Variants in LIMA1 observed in about 807,000 individuals in gnomAD.
LIMA1 encodes the protein LIM domain and actin binding 1.
A neutral mutation model predicts 62.6 loss-of-function variants in LIMA1; 52 were observed. The ratio of observed to expected loss-of-function variants is 0.83; its 90% CI spans 0.67 to 1.05. LIMA1 has a LOEUF of 1.05. Ranked by LOEUF, LIMA1 falls within the 50% of genes least tolerant of loss-of-function variation. The pLI is 0.00. For synonymous variants in LIMA1, 302 were observed against 317.8 expected (o/e 0.95, Z 0.53); for missense variants, 780 against 902.2 (o/e 0.86, Z 1.74).
Position 50,195,928 on chromosome 12 carries a change from A to C in LIMA1, c.973-41T>G, listed in dbSNP as rs758395093. 2.0e-6 allele frequency: 3 copies of C among 1,534,672 alleles called. No individual in the cohort carries two copies. The South Asian group carries it at 3.7e-5, about 19-fold the overall frequency. ...AAAAAAAAAAGTTAGAGGGGGATTA[A>C]GAGTCATATTAAAAATAAAAGAGCA... On this transcript the variant is annotated intron_variant, in intron 7 of 10. Transcript: ENST00000341247.
intron 2 of LIMA1, among the ~76,000 whole-genome samples, chr12:50,243,782 T>C (rs1396309603): frequency 6.6e-6 from 1 of 152,220 alleles, no homozygotes; most frequent in East Asian, 1.9e-4. Flanking sequence ...GAAAAATATG[T>C]GACAGGAACA....
At chr12:50,219,806 C>G (rs1319119983) in intron 4 of LIMA1, 1 of 151,080 alleles carries the variant, frequency 6.6e-6, no homozygotes, top group African/African-American at 2.4e-5. Flanking sequence ...CTGCCTCAGC[C>G]TCCTAAGTAG....
intron 8 of LIMA1, among the ~76,000 whole-genome samples, chr12:50,193,550 T>TATAC (rs1940838579): frequency 7.4e-6 from 1 of 134,718 alleles, no homozygotes; most frequent in African/African-American, 3.0e-5. Flanking sequence ...TATATACATA[T>TATAC]ATATCATATA....
intron 4 of LIMA1, among the ~76,000 whole-genome samples, chr12:50,213,980 G>A (rs1284883678): frequency 6.7e-6 from 1 of 149,126 alleles, no homozygotes; most frequent in Non-Finnish European, 1.5e-5. Flanking sequence ...AAAAAGATTG[G>A]AATTCTTTGA....
rs767351049 is a variant in LIMA1, at chr12:50,273,049, C to CA, written c.-24+10370dup. ...TGGACAACAGAGCAAGACTCTGTCT[C>CA]AAAAAAAAAAAAAAAGAATTGGTTA... On this transcript the variant is annotated intron_variant, in intron 1 of 10. Coordinates refer to ENST00000341247, the MANE Select transcript of LIMA1 (RefSeq NM_016357.5). Among the ~76,000 whole-genome samples, 803 of 112,006 alleles carry CA rather than the reference C, an allele frequency of 7.2e-3. 5 individuals are homozygous for CA. The highest frequency in any genetic ancestry group is 0.011 in the African/African-American group (339 of 30,022). 73.5% of individuals were successfully genotyped at this position (112,006 alleles called of 152,430 possible). A position where few individuals can be genotyped will look rare whatever the true frequency, so the allele number is the denominator to read the frequency against.
chr12:50,257,574 G>A (rs544399049), intron 1 of LIMA1, among the ~76,000 whole-genome samples: 3 of 152,290 alleles, frequency 2.0e-5, no homozygotes, highest in South Asian at 2.1e-4. Context: ...CTGACCAATC[G>A]TTACCTCCTC....
intron 10 of LIMA1, among the ~76,000 whole-genome samples, chr12:50,179,672 C>T (rs7969012): frequency 1.1e-4 from 16 of 150,640 alleles, no homozygotes; most frequent in Admixed American, 9.9e-4. Flanking sequence ...CTCCTGACCT[C>T]GTGATCTGCC....
At chr12:50,199,895 T>C (rs929086515) in intron 7 of LIMA1, among the ~76,000 whole-genome samples, 1 of 151,996 alleles carries the variant, frequency 6.6e-6, no homozygotes, top group Non-Finnish European at 1.5e-5. Flanking sequence ...CTCTCCCAAA[T>C]AGATTTTTTT....
intron 3 of LIMA1, among the ~76,000 whole-genome samples, chr12:50,228,618 T>C (rs868735363): frequency 6.6e-6 from 1 of 152,344 alleles, no homozygotes. Flanking sequence ...ATGCACCTCA[T>C]AGCTTTAAGT....
At position 50,177,801 on chromosome 12, in the gene LIMA1, G is replaced by A. The variant is rs1263000294; in HGVS notation, c.1543C>T (p.Gln515Ter). 1.2e-6 allele frequency: 2 copies of A among 1,614,028 alleles called. No homozygotes were observed. Among genetic ancestry groups the A allele is most frequent in the Non-Finnish European group, 1.7e-6 (2 of 1,179,960 alleles). The change falls in exon 11 of 11, where the codon CAG becomes TAG. Residue 515 changes from glutamine to a stop codon, truncating the protein, a stop_gained. Coordinates refer to ENST00000341247, the MANE Select transcript of LIMA1 (RefSeq NM_016357.5). LOFTEE classifies it low-confidence loss of function (END_TRUNC). ...GCTGGCTTGTCTTCCTTCTCCTGCT[G>A]AGAGGAGGCCTTGGCTTCCATACTT... The part of the protein sequence containing the change: ...AASMEAKASS[Q>*]QEKEDKPAET...
At chr12:50,263,942 G>A (rs2138679654) in intron 1 of LIMA1, among the ~76,000 whole-genome samples, 1 of 145,494 alleles carries the variant, frequency 6.9e-6, no homozygotes, top group Admixed American at 6.9e-5. Context: ...GAAAACACAT[G>A]TCCACACAGA....
chr12:50,280,885 C>A (rs149135417), intron 1 of LIMA1, among the ~76,000 whole-genome samples: 45 of 152,164 alleles, frequency 3.0e-4, no homozygotes, highest in Admixed American at 5.9e-4. Context: ...AAGTTTCTAT[C>A]AAAAAACATA....
intron 2 of LIMA1, among the ~76,000 whole-genome samples, chr12:50,232,043 C>CGTTT (rs1941619479): frequency 1.2e-5 from 1 of 83,450 alleles, no homozygotes; most frequent in Non-Finnish European, 2.2e-5. Flanking sequence ...GAGTGCCCAG[C>CGTTT]TTTTTTTTTT....
intron 9 of LIMA1, chr12:50,185,651 T>A: frequency 2.8e-6 from 1 of 362,274 alleles, no homozygotes; most frequent in South Asian, 2.1e-5. Flanking sequence ...ATATCCCAGC[T>A]CAGGAGAGCG....
At position 50,222,467 on chromosome 12, in the gene LIMA1, G is replaced by A; in HGVS notation, c.184C>T (p.Gln62Ter). ...GTCAGGGTCCCCTTTCTAAAGTGCT[G>A]GGAGAGATTTTCGGTGTTCTAGAAG... ...KKRSNTENLS[Q>*]HFRKGTLTVL... Residue 62 changes from glutamine to a stop codon, truncating the protein, a stop_gained, in exon 4 of 11, where the codon CAG becomes TAG. Transcript: ENST00000341247. LOFTEE classifies it high-confidence loss of function. 3 of 1,613,984 alleles carry A rather than the reference G, an allele frequency of 1.9e-6. No homozygotes were observed. Among genetic ancestry groups the A allele is most frequent in the South Asian group, 1.1e-5 (1 of 91,074 alleles).
At position 50,204,344 on chromosome 12, in the gene LIMA1, G is replaced by A. The variant is rs1260731314; in HGVS notation, c.864+208C>T. ...TAACATCACAAAAAAAGTGAGTGGG[G>A]TGGGAACCAGGACTAAGAAAGCAAA... On this transcript the variant is annotated intron_variant, in intron 6 of 10. Transcript: ENST00000341247. The A allele has an allele frequency of 1.1e-5, 5 of 456,362 alleles. No homozygotes were observed. In the East Asian group the frequency reaches 1.6e-4, roughly 15 times the overall value. The allele number at this position is 456,362 out of a possible 1,614,324, so 28.3% of individuals were successfully genotyped here.
At chr12:50,269,558 GATC>G in intron 1 of LIMA1, among the ~76,000 whole-genome samples, 2 of 152,274 alleles carry the variant, frequency 1.3e-5, no homozygotes, top group East Asian at 3.9e-4. Context: ...CACCAGATCT[GATC>G]AAAGACCTGA....
intron 10 of LIMA1, among the ~76,000 whole-genome samples, chr12:50,179,453 T>G (rs1369376232): frequency 6.8e-6 from 1 of 146,382 alleles, no homozygotes; most frequent in African/African-American, 2.5e-5. Context: ...TTTGTTTTTT[T>G]TTGAGACAGA....
At chr12:50,213,066 G>C (rs1941285834) in intron 4 of LIMA1, among the ~76,000 whole-genome samples, 1 of 152,156 alleles carries the variant, frequency 6.6e-6, no homozygotes, top group Non-Finnish European at 1.5e-5. Flanking sequence ...GGGATTACAA[G>C]TGTGCCTTGT....
Sources: allele counts gnomAD v4.1 joint callset (sites outside exome capture counted in the v4.1 genomes callset), GRCh38; gene constraint gnomAD v4.1.1; transcripts MANE v1.5; gene names NCBI Gene and HGNC (gene_info 2026-07-23, HGNC 2026-07-21).